STX8: variants seen among roughly 807,000 people sequenced by gnomAD.
The protein encoded by STX8 is syntaxin 8, also known as syntaxin-8.
STX8 carries 23 observed loss-of-function variants against 37.5 expected under a neutral mutation model. The ratio of observed to expected loss-of-function variants is 0.61; its 90% confidence interval spans 0.44 to 0.87. The LOEUF (loss-of-function observed/expected upper bound fraction) is 0.87, where lower values mean the gene tolerates loss of function less well. Ranked by LOEUF, STX8 falls within the 40% of genes least tolerant of loss-of-function variation. The pLI is 0.00. For synonymous variants in STX8, 115 were observed against 99.1 expected (o/e 1.16, Z -0.95); for missense variants, 313 against 284.7 (o/e 1.10, Z -0.71).
intron 4 of STX8, among the ~76,000 whole-genome samples, chr17:9,527,406 T>G (rs1905623489): frequency 6.6e-6 from 1 of 151,742 alleles, no homozygotes; most frequent in Non-Finnish European, 1.5e-5. Context: ...ATCTCACCAC[T>G]GCACTCCAGC....
intron 6 of STX8, among the ~76,000 whole-genome samples, chr17:9,431,421 A>G (rs955578270): frequency 1.4e-5 from 2 of 141,966 alleles, no homozygotes; most frequent in Non-Finnish European, 3.1e-5. Flanking sequence ...ATTGGGTAGC[A>G]GGGTTTTTGT....
At chr17:9,255,140 G>C (rs1236986646) in intron 7 of STX8, among the ~76,000 whole-genome samples, 1 of 152,098 alleles carries the variant, frequency 6.6e-6, no homozygotes, top group Non-Finnish European at 1.5e-5. Context: ...TTAATACAGT[G>C]GTGGCTAAGC....
intron 5 of STX8, among the ~76,000 whole-genome samples, chr17:9,493,133 T>C (rs1013964107): frequency 6.7e-6 from 1 of 149,466 alleles, no homozygotes; most frequent in East Asian, 2.0e-4. Flanking sequence ...CACGATGGCA[T>C]GTACCTGTAG....
chr17:9,342,385 T>C (rs1349587718), intron 7 of STX8, among the ~76,000 whole-genome samples: 2 of 151,410 alleles, frequency 1.3e-5, no homozygotes, highest in Admixed American at 1.3e-4. Flanking sequence ...AAGATAAGAG[T>C]AGTGTTTCAG....
At chr17:9,400,768 A>T (rs1485491047) in intron 6 of STX8, among the ~76,000 whole-genome samples, 1 of 152,206 alleles carries the variant, frequency 6.6e-6, no homozygotes, top group Admixed American at 6.6e-5. Flanking sequence ...TGTTATAAAA[A>T]TGTACAGTGG....
chr17:9,341,351 T>C (rs926374978), intron 7 of STX8, among the ~76,000 whole-genome samples: 1 of 152,182 alleles, frequency 6.6e-6, no homozygotes, highest in African/African-American at 2.4e-5. Flanking sequence ...AAGATACATA[T>C]ATTCATGGAT....
chr17:9,448,300 C>T (rs1904923643), intron 6 of STX8, among the ~76,000 whole-genome samples: 1 of 152,114 alleles, frequency 6.6e-6, no homozygotes, highest in South Asian at 2.1e-4. Context: ...CATTCGTGAA[C>T]ATGCACAGAG....
At chr17:9,486,387 A>G (rs72818056) in intron 6 of STX8, among the ~76,000 whole-genome samples, 30,490 of 152,158 alleles carry the variant, frequency 0.2, 3,476 homozygotes, top group Middle Eastern at 0.33. Flanking sequence ...AAAGAATGGC[A>G]AAGACCTGCA....
chr17:9,521,093 C>G (rs754699446), intron 4 of STX8, among the ~76,000 whole-genome samples: 10 of 152,132 alleles, frequency 6.6e-5, no homozygotes, highest in Non-Finnish European at 1.3e-4. Context: ...TATAAAGATG[C>G]ACAGAGGCTC....
chr17:9,405,399 G>A (rs894865467), intron 6 of STX8, among the ~76,000 whole-genome samples: 1 of 152,132 alleles, frequency 6.6e-6, no homozygotes, highest in Non-Finnish European at 1.5e-5. Flanking sequence ...TTAAAAGGCA[G>A]TCCCCTACTG....
rs1350410453 is a variant in STX8 at position 9,507,368 on chromosome 17, G to A, written c.324-2206C>T. ...TAGCGGCAACTCCCCTAGGCCAGCC[G>A]AGCAGCCTTGTGTTCATATCCCGGG... On this transcript the variant is annotated intron_variant, in intron 4 of 7. Transcript: ENST00000306357. This position sits in a 1 kb window ranked among gnomAD's most constrained non-coding sequence, Gnocchi z 4.0. 6.6e-6 allele frequency among the ~76,000 whole-genome samples: 1 copy of A among 151,592 alleles called. No homozygotes were observed. Among genetic ancestry groups the A allele is most frequent in the African/African-American group, 2.4e-5 (1 of 41,214 alleles).
At chr17:9,294,796 G>A (rs1369430658) in intron 7 of STX8, among the ~76,000 whole-genome samples, 1 of 152,144 alleles carries the variant, frequency 6.6e-6, no homozygotes, top group Non-Finnish European at 1.5e-5. Flanking sequence ...TAATGAAAAT[G>A]AAAATGAGGT....
chr17:9,358,642 G>A (rs1910959759), intron 7 of STX8, among the ~76,000 whole-genome samples: 1 of 152,186 alleles, frequency 6.6e-6, no homozygotes, highest in Admixed American at 6.5e-5. Context: ...GAAAGCGGCT[G>A]GTGAGGCCAC....
intron 7 of STX8, among the ~76,000 whole-genome samples, chr17:9,260,627 A>AAAAC (rs142433582): frequency 0.095 from 13,283 of 139,104 alleles, 734 homozygotes; most frequent in Non-Finnish European, 0.13. Flanking sequence ...CCGTCTCAGA[A>AAAAC]AAACAAACAA....
chr17:9,441,258 A>G (rs12944087), intron 6 of STX8, among the ~76,000 whole-genome samples: 122,123 of 151,836 alleles, frequency 0.8, 49,331 homozygotes, highest in African/African-American at 0.87. Flanking sequence ...TTGGGAGGCC[A>G]AGGCGGGCGG....
At chr17:9,460,747 A>G (rs557100623) in intron 6 of STX8, among the ~76,000 whole-genome samples, 23 of 152,198 alleles carry the variant, frequency 1.5e-4, no homozygotes, top group Admixed American at 9.8e-4. Flanking sequence ...GAAAGACAGT[A>G]AATATGTATA....
intron 6 of STX8, among the ~76,000 whole-genome samples, chr17:9,445,992 C>T (rs774986021): frequency 2.0e-5 from 3 of 152,044 alleles, no homozygotes; most frequent in African/African-American, 4.8e-5. Context: ...CCTGCCACCA[C>T]GCCCGGCTGA....
At chr17:9,541,451 A>C (rs1262309329) in intron 4 of STX8, among the ~76,000 whole-genome samples, 1 of 152,228 alleles carries the variant, frequency 6.6e-6, no homozygotes, top group East Asian at 1.9e-4. Context: ...GGATGGAGAC[A>C]CAATGCTCCA....
chr17:9,566,647 C>T lies in STX8; in HGVS notation c.117+1724G>A, dbSNP rs142199695. ...ACTAAAAATACAAAAATTAGCCAGG[C>T]ATGGTGGCAGGCACTTGTAATCCCA... On this transcript the variant is annotated intron_variant, in intron 2 of 7. Coordinates refer to ENST00000306357, the MANE Select transcript of STX8 (RefSeq NM_004853.3). Among the ~76,000 whole-genome samples the T allele has an allele frequency of 6.5e-4, 99 of 152,178 alleles. 3 individuals carry two copies. In the East Asian group the frequency reaches 0.019, roughly 29 times the overall value.
Sources: allele counts gnomAD v4.1 joint callset (sites outside exome capture counted in the v4.1 genomes callset), GRCh38; gene constraint gnomAD v4.1.1; non-coding constraint Gnocchi (gnomAD v3.1); transcripts MANE v1.5; gene names NCBI Gene and HGNC (gene_info 2026-07-23, HGNC 2026-07-21).